The following TTYH1 variants were observed in gnomAD, a reference collection of about 807,000 sequenced individuals.
The protein encoded by TTYH1 is protein tweety homolog 1.
A neutral mutation model predicts 61.2 loss-of-function variants in TTYH1; 33 were observed. The ratio of observed to expected loss-of-function variants is 0.54; its 90% CI spans 0.41 to 0.72. TTYH1 has a LOEUF of 0.72. Among genes scored for constraint, TTYH1 ranks in the 30% least tolerant of loss-of-function variants. The pLI is 0.00. For synonymous variants in TTYH1, 308 were observed against 266.4 expected (o/e 1.16, Z -1.52); for missense variants, 538 against 575.8 (o/e 0.93, Z 0.67).
chr19:54,429,724 AGGGGCCT>A lies in TTYH1; in HGVS notation c.808-148_808-142del, dbSNP rs1569264047. 6.7e-6 allele frequency among the ~76,000 whole-genome samples: 1 copy of A among 149,198 alleles called. No individual in the cohort carries two copies. Among genetic ancestry groups the A allele is most frequent in the African/African-American group, 2.5e-5 (1 of 40,176 alleles). On this transcript the variant is annotated intron_variant, in intron 6 of 13. Transcript: ENST00000376530. The surrounding 1 kb of genome is among the most constrained non-coding windows in gnomAD (Gnocchi z 5.1). ...TCTGAACCCCTGAGTCTGAGGGACG[AGGGGCCT>A]GGGGCCTGGACTCCTGAGTCTGAGG...
chr19:54,425,433 C>A (rs1400659043), intron 4 of TTYH1, among the ~76,000 whole-genome samples: 1 of 152,246 alleles, frequency 6.6e-6, no homozygotes, highest in African/African-American at 2.4e-5. Flanking sequence ...ATCATTGTCC[C>A]TTCCCCTGTG....
chr19:54,415,472 C>T lies in TTYH1; in HGVS notation c.-81C>T. 1.6e-6 allele frequency: 2 copies of T among 1,262,454 alleles called. No homozygotes were observed. Among genetic ancestry groups the T allele is most frequent in the Non-Finnish European group, 2.0e-6 (2 of 1,004,808 alleles). The allele number at this position is 1,262,454 out of a possible 1,614,324, so 78.2% of individuals were successfully genotyped here. On this transcript the variant is annotated 5_prime_UTR_variant, in exon 1 of 14. Coordinates refer to ENST00000376530, the MANE Select transcript of TTYH1 (RefSeq NM_020659.4). The surrounding 1 kb of genome is among the most constrained non-coding windows in gnomAD (Gnocchi z 5.2). ...CCCGCTCCCCTGAGCCCAGCCAGACCCCGCGCCGCCCGCGCCCCGCTCGAC... is the reference window on the plus strand; with the variant it reads ...CCCGCTCCCCTGAGCCCAGCCAGACTCCGCGCCGCCCGCGCCCCGCTCGAC...
At chr19:54,422,098 T>A in intron 3 of TTYH1, 92 bp from the exon 4 acceptor site, 1 of 1,022,676 alleles carries the variant, frequency 9.8e-7, no homozygotes, top group Non-Finnish European at 1.4e-6. Context: ...CCCGCTACTA[T>A]GCACCCCTCC....
chr19:54,426,423 G>A (rs2083320501), intron 4 of TTYH1: 1 of 561,100 alleles, frequency 1.8e-6, no homozygotes, highest in Non-Finnish European at 3.2e-6. Context: ...GTGTGGCCCG[G>A]CCAGGGGATA....
At chr19:54,424,099 T>G (rs1009334352) in intron 4 of TTYH1, among the ~76,000 whole-genome samples, 6 of 151,562 alleles carry the variant, frequency 4.0e-5, no homozygotes, top group African/African-American at 1.5e-4. Context: ...AAGTGGAGCT[T>G]GCAGTGAGCA....
At position 54,429,359 on chromosome 19, in the gene TTYH1, C is replaced by G. The variant is rs1358561716; in HGVS notation, c.787C>G (p.Leu263Val). 6.2e-7 allele frequency: 1 copy of G among 1,613,994 alleles called. No homozygotes were observed. Among genetic ancestry groups the G allele is most frequent in the Admixed American group, 1.7e-5 (1 of 60,004 alleles). Reference sequence around the variant, plus strand: ...CGTCCTGAGCTGGGGCTCCATGGGCCTGGAGGCAGCCACGGCCGTGGTGAG... The same window carrying G: ...CGTCCTGAGCTGGGGCTCCATGGGCGTGGAGGCAGCCACGGCCGTGGTGAG... ...VLVLSWGSMG[L>V]EAATAVGLSD... Residue 263 changes from leucine (L) to valine (V), a missense_variant, in exon 6 of 14, where the codon CTG becomes GTG. Around this residue, in one of 3 missense-constraint regions of TTYH1, gnomAD observed 378 missense variants for 401.2 expected, o/e 0.94. Coordinates refer to ENST00000376530, the MANE Select transcript of TTYH1 (RefSeq NM_020659.4). The surrounding 1 kb of genome is among the most constrained non-coding windows in gnomAD (Gnocchi z 5.1).
At position 54,416,881 on chromosome 19, in the gene TTYH1, CCGA is replaced by C; in HGVS notation, c.126+1204_126+1206del. 1 of 1,290,022 alleles carries C rather than the reference CCGA, an allele frequency of 7.8e-7. No homozygotes were observed. Among genetic ancestry groups the C allele is most frequent in the Non-Finnish European group, 1.0e-6 (1 of 987,220 alleles). The allele number at this position is 1,290,022 out of a possible 1,614,324, so 79.9% of individuals were successfully genotyped here. A position where few individuals can be genotyped will look rare whatever the true frequency, so the allele number is the denominator to read the frequency against. ...ACGCCCGCTCTGGCCCGGAGACCTC[CCGA>C]AGCCGCACGCGGGGATCCGCGGCCC... On this transcript the variant is annotated intron_variant, in intron 1 of 13. Transcript: ENST00000376530. This position sits in a 1 kb window ranked among gnomAD's most constrained non-coding sequence, Gnocchi z 7.0.
chr19:54,416,886 GCCGCACGCGGGGATCCGCGGCCCC>G lies in TTYH1; in HGVS notation c.126+1209_126+1232del. The G allele has an allele frequency of 7.8e-7, 1 of 1,289,204 alleles. No individual in the cohort carries two copies. Among genetic ancestry groups the G allele is most frequent in the Non-Finnish European group, 1.0e-6 (1 of 986,896 alleles). 79.9% of individuals were successfully genotyped at this position (1,289,204 alleles called of 1,614,324 possible). ...CGCTCTGGCCCGGAGACCTCCCGAA[GCCGCACGCGGGGATCCGCGGCCCC>G]AGTCACCGCCAGAGGCACGGGTTTG... On this transcript the variant is annotated intron_variant, in intron 1 of 13. Transcript: ENST00000376530. The surrounding 1 kb of genome is among the most constrained non-coding windows in gnomAD (Gnocchi z 7.0).
At chr19:54,417,727 T>TGC (rs1705912845) in intron 1 of TTYH1, among the ~76,000 whole-genome samples, 2 of 151,508 alleles carry the variant, frequency 1.3e-5, no homozygotes, top group Admixed American at 1.3e-4. Flanking sequence ...TACACACACA[T>TGC]GCACACACAT....
chr19:54,426,425 C>T lies in TTYH1; in HGVS notation c.639-248C>T, dbSNP rs540268757. ...ACAGGGCACATGTGTGTGGCCCGGC[C>T]AGGGGATAGTCCCAGGTGCTCAGGA... On this transcript the variant is annotated intron_variant, in intron 4 of 13. Coordinates refer to ENST00000376530, the MANE Select transcript of TTYH1 (RefSeq NM_020659.4). 2.0e-5 allele frequency: 11 copies of T among 563,248 alleles called. No individual in the cohort carries two copies. The East Asian group carries it at 3.3e-4, about 17-fold the overall frequency. The allele number at this position is 563,248 out of a possible 1,614,324, so 34.9% of individuals were successfully genotyped here.
rs995262196 is a variant in TTYH1 at position 54,436,427 on chromosome 19, G to A, written c.*137G>A. 88 of 1,587,904 alleles carry A rather than the reference G, an allele frequency of 5.5e-5. No homozygotes were observed. Among genetic ancestry groups the A allele is most frequent in the Non-Finnish European group, 6.3e-5 (73 of 1,156,812 alleles). ...GGCCATGGACAGCCTGCACAGGACC[G>A]CCTCCCTGCTCTTGGCCACTGTGCT... is the stretch of plus-strand genomic sequence containing the variant. On this transcript the variant is annotated 3_prime_UTR_variant, in exon 14 of 14. Transcript: ENST00000376530. This position sits in a 1 kb window ranked among gnomAD's most constrained non-coding sequence, Gnocchi z 4.3.
intron 5 of TTYH1, 103 bp downstream of exon 5, chr19:54,426,871 C>A: frequency 2.0e-6 from 2 of 1,013,068 alleles, no homozygotes; most frequent in African/African-American, 3.2e-5. Context: ...TGGTCCTTCA[C>A]GGCCGGGTAC....
Position 54,419,256 on chromosome 19 carries a change from CG to C in TTYH1, c.260del (p.Gly87GlufsTer65). 1 of 1,524,138 alleles carries C rather than the reference CG, an allele frequency of 6.6e-7. No homozygotes were observed. The allele number at this position is 1,524,138 out of a possible 1,614,324, so 94.4% of individuals were successfully genotyped here. A position where few individuals can be genotyped will look rare whatever the true frequency, so the allele number is the denominator to read the frequency against. ...EPPGSKIPSP[G>X]GGCVTWSCIV... ...CCCCCGGGTCCAAGATCCCCTCGCCCGGGGGAGGCTGCGTCACCTGGAGCTG... is the reference window on the plus strand; with the variant it reads ...CCCCCGGGTCCAAGATCCCCTCGCCCGGGGAGGCTGCGTCACCTGGAGCTG... On this transcript the variant is annotated frameshift_variant, in exon 2 of 14. Transcript: ENST00000376530. LOFTEE classifies it high-confidence loss of function. This position sits in a 1 kb window ranked among gnomAD's most constrained non-coding sequence, Gnocchi z 6.1.
chr19:54,415,589 G>A lies in TTYH1; in HGVS notation c.37G>A (p.Val13Met). ...CCCGGGCTACCGGCCCTCAGCTTGG[G>A]TGCATCTCCTCCACCAGCTGCCCCG... is the stretch of plus-strand genomic sequence containing the variant. ...APPGYRPSAWVHLLHQLPRAD... is the reference protein window; with the variant it reads ...APPGYRPSAWMHLLHQLPRAD... Residue 13 changes from valine (V) to methionine (M), a missense_variant, in exon 1 of 14, where the codon GTG (valine) becomes ATG (methionine). Coordinates refer to ENST00000376530, the MANE Select transcript of TTYH1 (RefSeq NM_020659.4). The surrounding 1 kb of genome is among the most constrained non-coding windows in gnomAD (Gnocchi z 5.2). 2 of 1,537,390 alleles carry A rather than the reference G, an allele frequency of 1.3e-6. No homozygotes were observed. The highest frequency in any genetic ancestry group is 1.7e-6 in the Non-Finnish European group (2 of 1,149,190).
chr19:54,432,945 C>G (rs1467419208), intron 10 of TTYH1: 1 of 152,192 alleles, frequency 6.6e-6, no homozygotes, highest in African/African-American at 2.4e-5. Context: ...CCTTCTGGAA[C>G]TGGCATTCCA....
At position 54,416,694 on chromosome 19, in the gene TTYH1, G is replaced by A; in HGVS notation, c.126+1016G>A. 1 of 1,240,668 alleles carries A rather than the reference G, an allele frequency of 8.1e-7. No individual in the cohort carries two copies. Among genetic ancestry groups the A allele is most frequent in the South Asian group, 1.3e-5 (1 of 78,128 alleles). 76.9% of individuals were successfully genotyped at this position (1,240,668 alleles called of 1,614,324 possible). On this transcript the variant is annotated intron_variant, in intron 1 of 13. Coordinates refer to ENST00000376530, the MANE Select transcript of TTYH1 (RefSeq NM_020659.4). The surrounding 1 kb of genome is among the most constrained non-coding windows in gnomAD (Gnocchi z 7.0). ...TGAGTGCTGTGTTCTGAGCTATTTG[G>A]GTCACGGCTGGCACAGCCCTGAGCA... is the stretch of plus-strand genomic sequence containing the variant.
At chr19:54,435,912 G>C in intron 12 of TTYH1, 39 bp downstream of exon 12, 2 of 1,607,020 alleles carry the variant, frequency 1.2e-6, no homozygotes, top group Non-Finnish European at 1.7e-6. Context: ...GGGGCGGGGG[G>C]TCCTGAACTC....
chr19:54,430,454 C>G (rs1021966692), intron 7 of TTYH1, 96 bp from the exon 8 acceptor site: 26 of 1,395,730 alleles, frequency 1.9e-5, no homozygotes, highest in Non-Finnish European at 2.1e-5. Context: ...GGCTGAGGCC[C>G]CTAACCCTGC....
At chr19:54,423,866 G>A (rs888565442) in intron 4 of TTYH1, among the ~76,000 whole-genome samples, 2 of 152,108 alleles carry the variant, frequency 1.3e-5, no homozygotes, top group African/African-American at 4.8e-5. Flanking sequence ...GAACTTTGGA[G>A]AAAATTACAG....
Sources: allele counts gnomAD v4.1 joint callset (sites outside exome capture counted in the v4.1 genomes callset), GRCh38; gene constraint gnomAD v4.1.1; regional missense constraint gnomAD v4.1.1; non-coding constraint Gnocchi (gnomAD v3.1); transcripts MANE v1.5; gene names NCBI Gene and HGNC (gene_info 2026-07-23, HGNC 2026-07-21).